PNPLA7: variants seen among roughly 807,000 people sequenced by gnomAD.
PNPLA7 encodes patatin-like phospholipase domain-containing protein 7.
PNPLA7 carries 153 observed loss-of-function variants against 161.7 expected under a neutral mutation model. The observed-to-expected ratio is 0.95, with a 90% CI of 0.83 to 1.08. The LOEUF is 1.08. Among genes scored for constraint, PNPLA7 ranks in the 50% least tolerant of loss-of-function variants. The pLI is 0.00. For missense variants in PNPLA7, 1,739 were observed against 1,856.6 expected (o/e 0.94, Z 1.16); for synonymous variants, 809 against 782.1 (o/e 1.03, Z -0.57).
chr9:137,465,190 C>A (rs1831406090), intron 26 of PNPLA7, among the ~76,000 whole-genome samples: 1 of 152,160 alleles, frequency 6.6e-6, no homozygotes, highest in African/African-American at 2.4e-5. Context: ...AACGCCTCGG[C>A]CACAGGCAGA....
At chr9:137,472,961 G>GAAAAAAAAAAAAAAAAAAAAAAA (rs1033858696) in intron 25 of PNPLA7, among the ~76,000 whole-genome samples, 1 of 149,570 alleles carries the variant, frequency 6.7e-6, no homozygotes. Flanking sequence ...TCTCAAAAAA[G>GAAAAAAAAAAAAAAAAAAAAAAA]AAAAAAAAAT....
At chr9:137,546,748 G>A in intron 4 of PNPLA7, 82 bp downstream of exon 4, 4 of 1,322,288 alleles carry the variant, frequency 3.0e-6, no homozygotes, top group Non-Finnish European at 4.3e-6. Flanking sequence ...CAGCCTGGGG[G>A]AGCCCACAGC....
intron 24 of PNPLA7, chr9:137,478,355 G>C (rs1003566577): frequency 2.5e-6 from 1 of 400,648 alleles, no homozygotes; most frequent in Non-Finnish European, 4.3e-6. Context: ...CTCAGCTACT[G>C]GGGGGAGGAC....
chr9:137,488,882 C>T (rs1352243822), intron 20 of PNPLA7, among the ~76,000 whole-genome samples: 1 of 144,324 alleles, frequency 6.9e-6, no homozygotes, highest in African/African-American at 2.6e-5. Flanking sequence ...ACCCCCTAAC[C>T]AGCAGACATC....
In PNPLA7 at chr9:137,500,632, G is replaced by A; in HGVS notation, c.1757+59C>T. ...CAGGAAGAGGCCGGCCACGCGGGGAGGGGTCTCAGGGCAGGGGGGGCTGGG... is the reference window on the plus strand; with the variant it reads ...CAGGAAGAGGCCGGCCACGCGGGGAAGGGTCTCAGGGCAGGGGGGGCTGGG... On this transcript the variant is annotated intron_variant, in intron 16 of 34. Coordinates refer to ENST00000406427, the MANE Select transcript of PNPLA7 (RefSeq NM_001098537.3). This position sits in a 1 kb window ranked among gnomAD's most constrained non-coding sequence, Gnocchi z 5.5. 1 of 1,527,016 alleles carries A rather than the reference G, an allele frequency of 6.5e-7. No homozygotes were observed. Among genetic ancestry groups the A allele is most frequent in the Non-Finnish European group, 9.0e-7 (1 of 1,112,480 alleles). The allele number at this position is 1,527,016 out of a possible 1,614,324, so 94.6% of individuals were successfully genotyped here.
chr9:137,518,117 A>C (rs1367384223), intron 11 of PNPLA7, among the ~76,000 whole-genome samples: 1 of 52,014 alleles, frequency 1.9e-5, no homozygotes, highest in East Asian at 5.1e-4. Flanking sequence ...TCCATCCCTC[A>C]CTCACTCACT....
chr9:137,533,324 G>A (rs1835685339), intron 8 of PNPLA7, among the ~76,000 whole-genome samples: 2 of 143,652 alleles, frequency 1.4e-5, no homozygotes, highest in African/African-American at 5.3e-5. Flanking sequence ...CTCCAGACAG[G>A]AGCACCCCCA....
chr9:137,546,265 G>A (rs532317447), intron 4 of PNPLA7, among the ~76,000 whole-genome samples: 12 of 151,972 alleles, frequency 7.9e-5, no homozygotes, highest in South Asian at 6.2e-4. Context: ...CGTGAACCAC[G>A]GGACCTTACC....
At chr9:137,492,504 T>TGGGTGGGTGGGTG (rs1832815184) in intron 20 of PNPLA7, among the ~76,000 whole-genome samples, 1 of 8,194 alleles carries the variant, frequency 1.2e-4, no homozygotes, top group Non-Finnish European at 2.4e-4. Flanking sequence ...GGGAGGGGCA[T>TGGGTGGGTGGGTG]GGGCGGGTGG....
chr9:137,528,226 C>T (rs985336863), intron 8 of PNPLA7, among the ~76,000 whole-genome samples: 1 of 152,188 alleles, frequency 6.6e-6, no homozygotes, highest in Non-Finnish European at 1.5e-5. Context: ...TCTTGTTTTG[C>T]ATTTCCAATC....
chr9:137,469,570 T>C (rs1409367444), intron 25 of PNPLA7, among the ~76,000 whole-genome samples: 1 of 152,228 alleles, frequency 6.6e-6, no homozygotes, highest in African/African-American at 2.4e-5. Flanking sequence ...TTTTCTATCC[T>C]CTGAGTGGTT....
At chr9:137,544,916 GA>G (rs1836410619) in intron 4 of PNPLA7, among the ~76,000 whole-genome samples, 1 of 152,176 alleles carries the variant, frequency 6.6e-6, no homozygotes, top group Non-Finnish European at 1.5e-5. Context: ...TCAAAGTGCT[GA>G]GAGTACAGGC....
chr9:137,472,180 GT>G (rs1225146057), intron 25 of PNPLA7, among the ~76,000 whole-genome samples: 2 of 151,990 alleles, frequency 1.3e-5, no homozygotes, highest in Non-Finnish European at 2.9e-5. Context: ...CCTCACACCT[GT>G]TGGGCCACTG....
At chr9:137,522,136 A>G (rs554712793) in intron 9 of PNPLA7, among the ~76,000 whole-genome samples, 1,710 of 152,214 alleles carry the variant, frequency 0.011, 9 homozygotes, top group African/African-American at 0.014. Flanking sequence ...GTGCAGTGGC[A>G]CCATCTCGGC....
chr9:137,462,400 C>A, intron 30 of PNPLA7, 69 bp from the exon 31 acceptor site: 1 of 1,530,442 alleles, frequency 6.5e-7, no homozygotes, highest in Non-Finnish European at 8.8e-7. Context: ...GCCCGTGGCG[C>A]AGGACAGGTT....
Position 137,460,385 on chromosome 9 carries a change from A to AGAGGCCTCTACCCGTCCTGGTCAGAG in PNPLA7, c.4011_*7dup. The stretch of plus-strand genomic sequence containing the variant: ...AGACGCTGCATCCGGGCTCTTTAGC[A>AGAGGCCTCTACCCGTCCTGGTCAGAG]GAGGCCTCTACCCGTCCTGGTCAGA... On this transcript the variant is annotated 3_prime_UTR_variant, in exon 35 of 35. Coordinates refer to ENST00000406427, the MANE Select transcript of PNPLA7 (RefSeq NM_001098537.3). The AGAGGCCTCTACCCGTCCTGGTCAGAG allele has an allele frequency of 6.2e-7, 1 of 1,611,416 alleles. No individual in the cohort carries two copies. Among genetic ancestry groups the AGAGGCCTCTACCCGTCCTGGTCAGAG allele is most frequent in the Non-Finnish European group, 8.5e-7 (1 of 1,179,018 alleles).
intron 20 of PNPLA7, among the ~76,000 whole-genome samples, chr9:137,487,103 G>A (rs899294221): frequency 3.3e-5 from 5 of 152,172 alleles, no homozygotes; most frequent in African/African-American, 1.2e-4. Context: ...GCCAGCTTCC[G>A]ACAGGGCCCA....
chr9:137,504,675 G>A (rs1406140150), intron 14 of PNPLA7, among the ~76,000 whole-genome samples: 1 of 152,136 alleles, frequency 6.6e-6, no homozygotes, highest in African/African-American at 2.4e-5. Flanking sequence ...CATTTCACTT[G>A]CAGAACGACA....
Position 137,541,725 on chromosome 9 carries a change from A to C in PNPLA7, c.666+917T>G, listed in dbSNP as rs1836214941. On this transcript the variant is annotated intron_variant, in intron 7 of 34. Transcript: ENST00000406427. The surrounding 1 kb of genome is among the most constrained non-coding windows in gnomAD (Gnocchi z 4.4). ...CACCCACCCCCGAGCAGCGATTCAA[A>C]GGGTGGAATTTAACAGAGGCAGGAA... 6.6e-6 allele frequency among the ~76,000 whole-genome samples: 1 copy of C among 152,328 alleles called. No homozygotes were observed. Among genetic ancestry groups the C allele is most frequent in the East Asian group, 1.9e-4 (1 of 5,190 alleles).
Sources: allele counts gnomAD v4.1 joint callset (sites outside exome capture counted in the v4.1 genomes callset), GRCh38; gene constraint gnomAD v4.1.1; non-coding constraint Gnocchi (gnomAD v3.1); transcripts MANE v1.5; gene names NCBI Gene and HGNC (gene_info 2026-07-23, HGNC 2026-07-21).